NRG3: variants seen among roughly 807,000 people sequenced by gnomAD.
The protein encoded by NRG3 is neuregulin 3, also known as pro-neuregulin-3, membrane-bound isoform.
In NRG3, 31 loss-of-function variants were observed where a neutral mutation model predicts 66.9. The observed-to-expected ratio is 0.46, with a 90% confidence interval of 0.35 to 0.63. NRG3 has a LOEUF of 0.63. NRG3 is among the 20% of genes least tolerant of loss of function. NRG3 has a pLI of 0.00. For synonymous variants in NRG3, 393 were observed against 359.4 expected, an observed-to-expected ratio of 1.09 and a Z score of -1.06; for missense variants, 910 against 878.9, an observed-to-expected ratio of 1.04 and a Z score of -0.45.
chr10:81,961,429 G>C (rs1407874683), intron 1 of NRG3, among the ~76,000 whole-genome samples: 1 of 152,078 alleles, frequency 6.6e-6, no homozygotes, highest in Admixed American at 6.6e-5. Context: ...TACTTCCCAA[G>C]ACACCGTGAC....
At chr10:82,528,136 G>A (rs1460124456) in intron 2 of NRG3, among the ~76,000 whole-genome samples, 1 of 152,148 alleles carries the variant, frequency 6.6e-6, no homozygotes, top group African/African-American at 2.4e-5. Flanking sequence ...AGGAACAACT[G>A]ACCTACAGCT....
At chr10:82,797,514 T>A (rs1433560624) in intron 3 of NRG3, among the ~76,000 whole-genome samples, 2 of 151,882 alleles carry the variant, frequency 1.3e-5, no homozygotes, top group East Asian at 3.9e-4. Context: ...GAAAACAATG[T>A]TTTTTTTCTG....
intron 4 of NRG3, among the ~76,000 whole-genome samples, chr10:82,909,309 C>T (rs1297202285): frequency 1.3e-5 from 2 of 152,144 alleles, no homozygotes; most frequent in Non-Finnish European, 2.9e-5. Context: ...ATGAGCAGTT[C>T]ACACAGGCAT....
In NRG3 at chr10:82,529,784, G is replaced by A. The variant is rs147913183; in HGVS notation, c.953+170916G>A. Among the ~76,000 whole-genome samples, 1,272 of 152,260 alleles carry A rather than the reference G, an allele frequency of 8.4e-3. 16 individuals carry two copies. Among genetic ancestry groups the A allele is most frequent in the African/African-American group, 0.026 (1,073 of 41,564 alleles). ...ATCACTTGTTATTTTAGGAAACTGT[G>A]CCTAAGGATGACAAATTAATACAGC... is the stretch of plus-strand genomic sequence containing the variant. On this transcript the variant is annotated intron_variant, in intron 2 of 8. Coordinates refer to ENST00000372141, the MANE Select transcript of NRG3 (RefSeq NM_001010848.4).
chr10:82,208,959 A>C (rs1747271140), intron 1 of NRG3, among the ~76,000 whole-genome samples: 4 of 152,234 alleles, frequency 2.6e-5, no homozygotes, highest in African/African-American at 7.2e-5. Context: ...CTGCACCAGA[A>C]TCTCTCTTCT....
At chr10:82,203,557 A>G (rs534948621) in intron 1 of NRG3, among the ~76,000 whole-genome samples, 1 of 152,280 alleles carries the variant, frequency 6.6e-6, no homozygotes, top group South Asian at 2.1e-4. Flanking sequence ...TTAGAAATTG[A>G]CTTTGTCTGG....
intron 1 of NRG3, among the ~76,000 whole-genome samples, chr10:82,061,806 C>G (rs1392897037): frequency 6.6e-6 from 1 of 151,274 alleles, no homozygotes; most frequent in Non-Finnish European, 1.5e-5. Context: ...TGTCTCCCTC[C>G]TTTCCTTCTG....
At chr10:82,355,426 G>A (rs1937966) in intron 1 of NRG3, among the ~76,000 whole-genome samples, 58,061 of 152,054 alleles carry the variant, frequency 0.38, 16,223 homozygotes, top group African/African-American at 0.78. Context: ...AGTGTATCTT[G>A]TATGTTGAAA....
chr10:82,543,706 G>A (rs1305129483), intron 2 of NRG3, among the ~76,000 whole-genome samples: 1 of 152,122 alleles, frequency 6.6e-6, no homozygotes, highest in East Asian at 1.9e-4. Flanking sequence ...TTTTGTATAT[G>A]CATTTTACAG....
At chr10:82,303,873 T>G (rs140640998) in intron 1 of NRG3, among the ~76,000 whole-genome samples, 1 of 151,080 alleles carries the variant, frequency 6.6e-6, no homozygotes, top group Non-Finnish European at 1.5e-5. Context: ...TCTCAAAAAA[T>G]AAATAAATAA....
At chr10:82,943,888 C>A (rs1320697180) in intron 4 of NRG3, among the ~76,000 whole-genome samples, 1 of 152,126 alleles carries the variant, frequency 6.6e-6, no homozygotes, top group Non-Finnish European at 1.5e-5. Context: ...GCTTAAGAAA[C>A]CTTACTTGAT....
rs139383422 is a variant in NRG3, at chr10:82,804,920, T to C, written c.1028-60491T>C. ...TTGATCCATACTTTATCTAATTAGATACCAATTAGCTTTCTGCTATAAGAA... is the reference window on the plus strand; with the variant it reads ...TTGATCCATACTTTATCTAATTAGACACCAATTAGCTTTCTGCTATAAGAA... On this transcript the variant is annotated intron_variant, in intron 3 of 8. Coordinates refer to ENST00000372141, the MANE Select transcript of NRG3 (RefSeq NM_001010848.4). 4.5e-3 allele frequency among the ~76,000 whole-genome samples: 691 copies of C among 152,322 alleles called. 5 individuals are homozygous for C. The highest frequency in any genetic ancestry group is 0.016 in the African/African-American group (658 of 41,574).
intron 6 of NRG3, among the ~76,000 whole-genome samples, chr10:82,972,120 T>C (rs1851817531): frequency 6.6e-6 from 1 of 152,176 alleles, no homozygotes; most frequent in Non-Finnish European, 1.5e-5. Context: ...CCATGCTCTC[T>C]TGTTACAAAC....
chr10:82,509,869 C>A (rs1469487873), intron 2 of NRG3, among the ~76,000 whole-genome samples: 1 of 152,156 alleles, frequency 6.6e-6, no homozygotes, highest in African/African-American at 2.4e-5. Context: ...CTCTCCACAA[C>A]CTCTGTCCCT....
chr10:82,445,139 G>GA (rs2090645019), intron 2 of NRG3, among the ~76,000 whole-genome samples: 2 of 145,606 alleles, frequency 1.4e-5, no homozygotes, highest in South Asian at 2.2e-4. Flanking sequence ...CCCCATGCCA[G>GA]TTTTTTTTTT....
chr10:82,903,652 T>G (rs1488076620), intron 4 of NRG3, among the ~76,000 whole-genome samples: 1 of 152,168 alleles, frequency 6.6e-6, no homozygotes, highest in Non-Finnish European at 1.5e-5. Flanking sequence ...TCCTTATGAC[T>G]TCCTTAAGAA....
At chr10:82,387,289 T>G (rs2086063597) in intron 2 of NRG3, among the ~76,000 whole-genome samples, 1 of 152,224 alleles carries the variant, frequency 6.6e-6, no homozygotes, top group Non-Finnish European at 1.5e-5. Flanking sequence ...TATATATGCT[T>G]TTAATTCCAA....
At chr10:82,348,164 G>T (rs1486291238) in intron 1 of NRG3, among the ~76,000 whole-genome samples, 1 of 152,072 alleles carries the variant, frequency 6.6e-6, no homozygotes, top group African/African-American at 2.4e-5. Context: ...TCCTAGCCTC[G>T]ATGGTCTTTA....
intron 1 of NRG3, among the ~76,000 whole-genome samples, chr10:82,252,623 CT>C (rs935989376): frequency 2.0e-5 from 3 of 151,574 alleles, no homozygotes; most frequent in African/African-American, 7.3e-5. Context: ...TTTGGATTCA[CT>C]TTTTTTTTCT....
Sources: gnomAD v4.1 joint callset for allele counts (sites outside exome capture counted in the v4.1 genomes callset) on GRCh38, gnomAD v4.1.1 for gene constraint, MANE v1.5 for transcripts, NCBI Gene and HGNC (gene_info 2026-07-23, HGNC 2026-07-21) for gene names.